SDHB: variants seen among roughly 807,000 people sequenced by gnomAD.
SDHB encodes the protein succinate dehydrogenase [ubiquinone] iron-sulfur subunit, mitochondrial.
SDHB carries 21 observed loss-of-function variants against 39.7 expected under a neutral mutation model. The ratio of observed to expected loss-of-function variants is 0.53; its 90% CI spans 0.37 to 0.76. The LOEUF is 0.76. Ranked by LOEUF, SDHB falls within the 30% of genes least tolerant of loss-of-function variation. The pLI is 0.00. For missense variants in SDHB, 343 were observed against 350.9 expected (o/e 0.98, Z 0.18); for synonymous variants, 118 against 117.0 (o/e 1.01, Z -0.06).
At chr1:17,046,072 C>T (rs553874925) in intron 1 of SDHB, among the ~76,000 whole-genome samples, 46 of 152,078 alleles carry the variant, frequency 3.0e-4, no homozygotes, top group African/African-American at 9.6e-4. Flanking sequence ...TAAAGTGTCC[C>T]GTATTAACTG....
In SDHB at chr1:17,042,775, C is replaced by CAAA. The variant is rs35897475; in HGVS notation, c.200+1983_200+1985dup. ...CCTGGGTGACAGCGAGACCCTGACT[C>CAAA]AAAAAAAAAGGAATTTAACTCTTCC... On this transcript the variant is annotated intron_variant, in intron 2 of 7. Coordinates refer to ENST00000375499, the MANE Select transcript of SDHB (RefSeq NM_003000.3). Among the ~76,000 whole-genome samples, 564 of 148,920 alleles carry CAAA rather than the reference C, an allele frequency of 3.8e-3. 3 individuals are homozygous for CAAA. The highest frequency in any genetic ancestry group is 0.013 in the African/African-American group (514 of 40,520).
chr1:17,041,065 G>A (rs946991028), intron 2 of SDHB, among the ~76,000 whole-genome samples: 1 of 152,094 alleles, frequency 6.6e-6, no homozygotes, highest in Admixed American at 6.5e-5. Flanking sequence ...GGAAGGCAGA[G>A]GTTGCAGTGA....
Position 17,036,061 on chromosome 1 carries a change from A to C in SDHB, c.201-2916T>G, listed in dbSNP as rs115384115. On this transcript the variant is annotated intron_variant, in intron 2 of 7. Transcript: ENST00000375499. ...TTCTCAGATTTTACATAGATACCAAAATTGTTTGATATTCTGGGTCCCTTG... is the reference window on the plus strand; with the variant it reads ...TTCTCAGATTTTACATAGATACCAACATTGTTTGATATTCTGGGTCCCTTG... Among the ~76,000 whole-genome samples, 812 of 152,200 alleles carry C rather than the reference A, an allele frequency of 5.3e-3. 10 individuals carry two copies. Among genetic ancestry groups the C allele is most frequent in the African/African-American group, 0.019 (782 of 41,546 alleles).
intron 3 of SDHB, among the ~76,000 whole-genome samples, chr1:17,029,502 G>T (rs1484018338): frequency 2.0e-5 from 3 of 151,798 alleles, no homozygotes; most frequent in Admixed American, 2.0e-4. Flanking sequence ...CGCGATCTTG[G>T]CTCACTGCAA....
At chr1:17,026,175 G>A (rs866842028) in intron 5 of SDHB, among the ~76,000 whole-genome samples, 6 of 152,164 alleles carry the variant, frequency 3.9e-5, no homozygotes, top group Non-Finnish European at 5.9e-5. Context: ...TGGGCCAGAG[G>A]GCCCGGTTCA....
chr1:17,021,066 C>G (rs2077959650), intron 7 of SDHB, among the ~76,000 whole-genome samples: 1 of 152,214 alleles, frequency 6.6e-6, no homozygotes, highest in African/African-American at 2.4e-5. Flanking sequence ...GTGTTCTGAA[C>G]CACACAGCCC....
At chr1:17,025,276 A>C (rs1351040619) in intron 5 of SDHB, among the ~76,000 whole-genome samples, 3 of 152,252 alleles carry the variant, frequency 2.0e-5, no homozygotes, top group Non-Finnish European at 4.4e-5. Flanking sequence ...CAATAACATA[A>C]GTGAAAAAAG....
At chr1:17,028,759 A>G in intron 3 of SDHB, 23 bp from the exon 4 acceptor site, 1 of 1,612,758 alleles carries the variant, frequency 6.2e-7, no homozygotes. Context: ...CACATTTAAC[A>G]CATCCTCACC....
chr1:17,040,595 C>T (rs1172452814), intron 2 of SDHB, among the ~76,000 whole-genome samples: 2 of 152,118 alleles, frequency 1.3e-5, no homozygotes, highest in Admixed American at 6.6e-5. Flanking sequence ...GCTAGGACTA[C>T]AGGTATGTGC....
In SDHB at chr1:17,053,968, G is replaced by A. The variant is rs2101551686; in HGVS notation, c.52C>T (p.Leu18Phe). The change falls in exon 1 of 8, where the codon CTT (leucine) becomes TTT (phenylalanine). Residue 18 changes from leucine (L) to phenylalanine (F), a missense_variant. Coordinates refer to ENST00000375499, the MANE Select transcript of SDHB (RefSeq NM_003000.3). ...CTCACCTGCAGGCAGGCTCCGCCAA[G>A]GGTTGTGGCCGGCAACCGGCGCCTC... ...SLRRRLPATT[L>F]GGACLQASRG... The A allele has an allele frequency of 6.2e-7, 1 of 1,613,208 alleles. No homozygotes were observed. The highest frequency in any genetic ancestry group is 1.1e-5 in the South Asian group (1 of 90,878).
chr1:17,052,856 T>C (rs1005214769), intron 1 of SDHB, among the ~76,000 whole-genome samples: 1 of 152,226 alleles, frequency 6.6e-6, no homozygotes, highest in Non-Finnish European at 1.5e-5. Flanking sequence ...CTAAAATTTC[T>C]TGGACACCAA....
chr1:17,026,367 TTTTC>T (rs1267762578), intron 5 of SDHB, among the ~76,000 whole-genome samples: 6 of 145,162 alleles, frequency 4.1e-5, no homozygotes, highest in African/African-American at 1.7e-4. Context: ...CCTTTTTCTC[TTTTC>T]TTTTTTTCTT....
intron 3 of SDHB, chr1:17,032,597 C>A (rs1381239265): frequency 4.5e-6 from 1 of 220,226 alleles, no homozygotes; most frequent in East Asian, 1.1e-4. Context: ...GCACAAGTAA[C>A]CACATGCTGA....
intron 2 of SDHB, among the ~76,000 whole-genome samples, chr1:17,042,727 G>A (rs570711712): frequency 3.9e-5 from 6 of 152,064 alleles, no homozygotes; most frequent in South Asian, 2.1e-4. Flanking sequence ...ACAGTGAACC[G>A]TGAGCATGCC....
At chr1:17,051,413 C>T (rs2078146550) in intron 1 of SDHB, among the ~76,000 whole-genome samples, 1 of 152,100 alleles carries the variant, frequency 6.6e-6, no homozygotes, top group Non-Finnish European at 1.5e-5. Flanking sequence ...GTAAAGTGTC[C>T]TTAGGGTGCA....
chr1:17,024,984 A>G (rs1351271706), intron 5 of SDHB, among the ~76,000 whole-genome samples: 2 of 152,230 alleles, frequency 1.3e-5, no homozygotes, highest in African/African-American at 4.8e-5. Flanking sequence ...CCACTGGTCT[A>G]GAAGGCATAA....
chr1:17,033,957 T>G (rs570342323), intron 2 of SDHB, among the ~76,000 whole-genome samples: 1 of 152,328 alleles, frequency 6.6e-6, no homozygotes, highest in South Asian at 2.1e-4. Flanking sequence ...AGTTAATATT[T>G]ACACCACAGG....
chr1:17,029,401 G>A (rs113734202), intron 3 of SDHB, among the ~76,000 whole-genome samples: 1 of 151,160 alleles, frequency 6.6e-6, no homozygotes, highest in African/African-American at 2.4e-5. Context: ...GGGATTACAG[G>A]TCTGGGCCAC....
intron 1 of SDHB, among the ~76,000 whole-genome samples, chr1:17,046,413 T>C (rs2078110564): frequency 6.6e-6 from 1 of 152,068 alleles, no homozygotes; most frequent in Non-Finnish European, 1.5e-5. Context: ...TATAATAAAA[T>C]TCACTAATTT....
Sources: allele counts gnomAD v4.1 joint callset (sites outside exome capture counted in the v4.1 genomes callset), GRCh38; gene constraint gnomAD v4.1.1; transcripts MANE v1.5; gene names NCBI Gene and HGNC (gene_info 2026-07-23, HGNC 2026-07-21).